NAALADL2: variants seen among roughly 807,000 people sequenced by gnomAD.
The protein encoded by NAALADL2 is N-acetylated alpha-linked acidic dipeptidase like 2.
NAALADL2 carries 76 observed loss-of-function variants against 87.2 expected under a neutral mutation model. That is an observed-to-expected ratio of 0.87 (90% CI 0.72 to 1.05). NAALADL2 has a LOEUF of 1.05. Among genes scored for constraint, NAALADL2 ranks in the 50% least tolerant of loss-of-function variants. The pLI, the probability that NAALADL2 is intolerant of heterozygous loss-of-function variation, is 0.00. For missense variants in NAALADL2, 1,089 were observed against 945.8 expected, an observed-to-expected ratio of 1.15 and a Z score of -1.99; for synonymous variants, 354 against 331.0, an observed-to-expected ratio of 1.07 and a Z score of -0.75.
intron 8 of NAALADL2, among the ~76,000 whole-genome samples, chr3:175,469,802 G>T (rs1482029807): frequency 6.6e-6 from 1 of 151,880 alleles, no homozygotes; most frequent in Non-Finnish European, 1.5e-5. Context: ...ATCTTATGAG[G>T]GTCTCATGAG....
chr3:175,013,307 T>A (rs1309152062), intron 1 of NAALADL2, among the ~76,000 whole-genome samples: 3 of 114,750 alleles, frequency 2.6e-5, no homozygotes, highest in Non-Finnish European at 5.3e-5. Flanking sequence ...ATATATTTTT[T>A]TTTTTTTTTG....
chr3:175,160,364 T>C (rs865857007), intron 2 of NAALADL2, among the ~76,000 whole-genome samples: 10 of 116,230 alleles, frequency 8.6e-5, no homozygotes, highest in East Asian at 2.4e-4. Context: ...TTCTTTCTTT[T>C]TTTTTTTTTT....
At chr3:175,131,257 G>C (rs1382341936) in intron 2 of NAALADL2, among the ~76,000 whole-genome samples, 1 of 151,458 alleles carries the variant, frequency 6.6e-6, no homozygotes, top group Non-Finnish European at 1.5e-5. Flanking sequence ...AGATAAACAA[G>C]TGAACAAAGG....
At chr3:174,928,762 AAGG>A (rs1238273119) in intron 1 of NAALADL2, among the ~76,000 whole-genome samples, 3 of 152,320 alleles carry the variant, frequency 2.0e-5, no homozygotes, top group East Asian at 1.9e-4. Context: ...TTATAACAAA[AAGG>A]AGGAATAGGT....
intron 1 of NAALADL2, among the ~76,000 whole-genome samples, chr3:174,987,688 G>A (rs1049771607): frequency 1.4e-5 from 2 of 145,928 alleles, no homozygotes; most frequent in Middle Eastern, 3.6e-3. Context: ...GTGTAGTGAC[G>A]TGATCATAGC....
At chr3:174,481,612 C>G (rs1182719629) in intron 1 of NAALADL2, among the ~76,000 whole-genome samples, 1 of 151,928 alleles carries the variant, frequency 6.6e-6, no homozygotes, top group East Asian at 1.9e-4. Flanking sequence ...TGATGACTTG[C>G]TAGGAGGAAT....
At chr3:175,281,874 ATACTT>A (rs1176500809) in intron 4 of NAALADL2, among the ~76,000 whole-genome samples, 1 of 152,002 alleles carries the variant, frequency 6.6e-6, no homozygotes, top group Non-Finnish European at 1.5e-5. Flanking sequence ...ACTTAACAAA[ATACTT>A]TATGAGTTAT....
At chr3:174,486,282 A>G (rs1241647572) in intron 1 of NAALADL2, among the ~76,000 whole-genome samples, 1 of 152,098 alleles carries the variant, frequency 6.6e-6, no homozygotes, top group Non-Finnish European at 1.5e-5. Context: ...AGAATGCTCT[A>G]TCTAGCGTAT....
At chr3:175,579,872 A>G (rs77108101) in intron 10 of NAALADL2, among the ~76,000 whole-genome samples, 4 of 116,248 alleles carry the variant, frequency 3.4e-5, no homozygotes, top group South Asian at 4.7e-4. Flanking sequence ...CAGAGGGTCT[A>G]TCTTTCTTAG....
At chr3:174,544,329 T>G (rs1722523602) in intron 1 of NAALADL2, among the ~76,000 whole-genome samples, 1 of 152,130 alleles carries the variant, frequency 6.6e-6, no homozygotes, top group Non-Finnish European at 1.5e-5. Flanking sequence ...GTTTGTTAAA[T>G]TAGTGGTTTT....
At chr3:175,244,886 T>C (rs1747674914) in intron 3 of NAALADL2, among the ~76,000 whole-genome samples, 1 of 152,154 alleles carries the variant, frequency 6.6e-6, no homozygotes, top group Non-Finnish European at 1.5e-5. Flanking sequence ...TTCTGAACTG[T>C]TGATGTCTAT....
intron 3 of NAALADL2, among the ~76,000 whole-genome samples, chr3:175,247,267 TACAC>T (rs778567684): frequency 2.8e-4 from 18 of 64,104 alleles, no homozygotes; most frequent in Admixed American, 2.2e-3. Context: ...ATTATGTGTG[TACAC>T]ACACACACAC....
chr3:175,541,610 A>G (rs774369125), intron 9 of NAALADL2, among the ~76,000 whole-genome samples: 16 of 152,216 alleles, frequency 1.1e-4, no homozygotes, highest in African/African-American at 7.2e-5. Context: ...AAGTTGAACT[A>G]TCTTAAGTCC....
At chr3:174,693,382 G>A (rs1214770043) in intron 2 of NAALADL2, among the ~76,000 whole-genome samples, 1 of 152,138 alleles carries the variant, frequency 6.6e-6, no homozygotes, top group African/African-American at 2.4e-5. Context: ...GAAGCATCAT[G>A]AAGGAATGTT....
chr3:175,076,296 G>T (rs898276462), intron 1 of NAALADL2, among the ~76,000 whole-genome samples: 37 of 149,930 alleles, frequency 2.5e-4, no homozygotes, highest in Non-Finnish European at 5.3e-4. Context: ...GTTGGGTCTT[G>T]CTTCTGCCAA....
At chr3:175,516,452 C>A (rs1292431909) in intron 9 of NAALADL2, among the ~76,000 whole-genome samples, 1 of 152,118 alleles carries the variant, frequency 6.6e-6, no homozygotes, top group Non-Finnish European at 1.5e-5. Context: ...CTTCGTGATA[C>A]CAGTGTGATC....
At chr3:175,746,041 A>G (rs1479415109) in intron 12 of NAALADL2, among the ~76,000 whole-genome samples, 1 of 152,226 alleles carries the variant, frequency 6.6e-6, no homozygotes, top group Admixed American at 6.5e-5. Context: ...AGCAGGAAAC[A>G]TAATTTTGAA....
chr3:175,178,297 G>A (rs1281917165), intron 2 of NAALADL2, among the ~76,000 whole-genome samples: 2 of 151,750 alleles, frequency 1.3e-5, no homozygotes, highest in Non-Finnish European at 2.9e-5. Flanking sequence ...ATAAAAAAAG[G>A]GTACATATAA....
intron 5 of NAALADL2, among the ~76,000 whole-genome samples, chr3:175,399,131 G>A (rs949957500): frequency 6.6e-6 from 1 of 151,988 alleles, no homozygotes; most frequent in Non-Finnish European, 1.5e-5. Context: ...AGATCATGAG[G>A]AGATGTGCTC....
Sources: gnomAD v4.1 joint callset for allele counts (sites outside exome capture counted in the v4.1 genomes callset) on GRCh38, gnomAD v4.1.1 for gene constraint, MANE v1.5 for transcripts, NCBI Gene and HGNC (gene_info 2026-07-23, HGNC 2026-07-21) for gene names.